Variants in CD247 observed in about 807,000 individuals in gnomAD.
The protein encoded by CD247 is CD247 molecule.
Under a neutral mutation model 30.0 loss-of-function variants are expected in CD247, and 13 were observed. The observed-to-expected ratio is 0.43, with a 90% CI of 0.28 to 0.69. The LOEUF is 0.69. Among genes scored for constraint, CD247 ranks in the 30% least tolerant of loss-of-function variants. The pLI is 0.16. For missense variants in CD247, 193 were observed against 212.6 expected (o/e 0.91, Z 0.57); for synonymous variants, 72 against 80.0 (o/e 0.90, Z 0.53).
chr1:167,509,482 C>T (rs1439493950), intron 1 of CD247, among the ~76,000 whole-genome samples: 1 of 151,382 alleles, frequency 6.6e-6, no homozygotes, highest in Non-Finnish European at 1.5e-5. Flanking sequence ...CCAACCTATT[C>T]CGAGGGTGAA....
chr1:167,509,827 GA>G (rs1655312845), intron 1 of CD247, among the ~76,000 whole-genome samples: 1 of 152,166 alleles, frequency 6.6e-6, no homozygotes, highest in Non-Finnish European at 1.5e-5. Context: ...GCAGGTGGGG[GA>G]TGGAGTGGCG....
Position 167,479,931 on chromosome 1 carries a change from GCCACAT to G in CD247, c.58+38471_58+38476del, listed in dbSNP as rs1413218001. On this transcript the variant is annotated intron_variant, in intron 1 of 7. Coordinates refer to ENST00000362089, the MANE Select transcript of CD247 (RefSeq NM_198053.3). ...TTGGCATGAGCTTCGTGACTGCAGA[GCCACAT>G]TTTCTACTTCTCTTTTGCCTCATAT... 4.4e-4 allele frequency among the ~76,000 whole-genome samples: 67 copies of G among 152,330 alleles called. 1 individual carries two copies. The East Asian group carries it at 0.012, about 28-fold the overall frequency.
chr1:167,467,670 C>T lies in CD247; in HGVS notation c.59-26903G>A, dbSNP rs1047922174. On this transcript the variant is annotated intron_variant, in intron 1 of 7. Transcript: ENST00000362089. Reference sequence around the variant, plus strand: ...CATCATTTTGGACAGTTCTGAGCTTCTGCTTTATTATCGGATTTATTTGTC... The same window carrying T: ...CATCATTTTGGACAGTTCTGAGCTTTTGCTTTATTATCGGATTTATTTGTC... Among the ~76,000 whole-genome samples, 8 of 152,180 alleles carry T rather than the reference C, an allele frequency of 5.3e-5. No individual in the cohort carries two copies. The South Asian group carries it at 1.0e-3, about 20-fold the overall frequency.
chr1:167,446,629 G>T (rs1652092866), intron 1 of CD247, among the ~76,000 whole-genome samples: 1 of 152,184 alleles, frequency 6.6e-6, no homozygotes, highest in Admixed American at 6.5e-5. Context: ...CCACGGTTGG[G>T]GACAGAACCT....
chr1:167,458,329 T>G (rs1652810401), intron 1 of CD247: 2 of 152,434 alleles, frequency 1.3e-5, no homozygotes, highest in African/African-American at 4.8e-5. Flanking sequence ...GGATGTTTTC[T>G]CACAGGTCTT....
At chr1:167,486,735 G>A (rs1654224589) in intron 1 of CD247, among the ~76,000 whole-genome samples, 1 of 152,222 alleles carries the variant, frequency 6.6e-6, no homozygotes, top group African/African-American at 2.4e-5. Flanking sequence ...GGCCACTTAT[G>A]CGGGCCACTG....
intron 1 of CD247, among the ~76,000 whole-genome samples, chr1:167,497,342 A>T (rs543719054): frequency 6.6e-6 from 1 of 152,336 alleles, no homozygotes; most frequent in East Asian, 1.9e-4. Context: ...TTCCCCAATA[A>T]GTATGCTTTG....
intron 1 of CD247, among the ~76,000 whole-genome samples, chr1:167,471,163 G>A (rs567087067): frequency 2.2e-4 from 34 of 152,178 alleles, no homozygotes; most frequent in African/African-American, 4.8e-4. Context: ...GAGCCACTGC[G>A]CTCAGCGTGA....
intron 1 of CD247, among the ~76,000 whole-genome samples, chr1:167,465,322 T>TTTTTC (rs201201346): frequency 3.0e-4 from 38 of 128,160 alleles, no homozygotes; most frequent in African/African-American, 1.0e-3. Flanking sequence ...TTTTTTTTTC[T>TTTTTC]TTTTCTTTTT....
intron 1 of CD247, among the ~76,000 whole-genome samples, chr1:167,471,247 A>G (rs1653510899): frequency 6.6e-6 from 1 of 152,114 alleles, no homozygotes; most frequent in African/African-American, 2.4e-5. Context: ...CTGGAAAGTA[A>G]CTCACCCTTA....
chr1:167,474,888 G>T (rs999746847), intron 1 of CD247, among the ~76,000 whole-genome samples: 2 of 151,508 alleles, frequency 1.3e-5, no homozygotes, highest in Non-Finnish European at 2.9e-5. Flanking sequence ...GAGTAGCTGG[G>T]ATTACAGGCG....
intron 5 of CD247, chr1:167,434,420 ATC>A: frequency 2.6e-6 from 1 of 391,506 alleles, no homozygotes. Context: ...AGAATCATTT[ATC>A]TGAGCAAGTT....
Position 167,513,432 on chromosome 1 carries a change from T to G in CD247, c.58+4976A>C, listed in dbSNP as rs539544789. On this transcript the variant is annotated intron_variant, in intron 1 of 7. Transcript: ENST00000362089. ...AAAAAAATTTAATTAAATTTTAACT[T>G]CCGTCAGTGATTTTTATATCTTTAC... Among the ~76,000 whole-genome samples, 3 of 152,292 alleles carry G rather than the reference T, an allele frequency of 2.0e-5. No homozygotes were observed. In the East Asian group the frequency reaches 5.8e-4, roughly 29 times the overall value.
chr1:167,450,739 C>T (rs985730961), intron 1 of CD247, among the ~76,000 whole-genome samples: 1 of 151,624 alleles, frequency 6.6e-6, no homozygotes, highest in East Asian at 2.0e-4. Context: ...ATGGTAAAAC[C>T]CCATCTCTAC....
At chr1:167,434,664 C>T (rs1340488646) in intron 5 of CD247, 2 of 404,830 alleles carry the variant, frequency 4.9e-6, no homozygotes, top group Non-Finnish European at 9.9e-6. Context: ...AGGGGCCAGC[C>T]ACCTCGTCCT....
chr1:167,485,870 A>C (rs1654184671), intron 1 of CD247, among the ~76,000 whole-genome samples: 1 of 150,256 alleles, frequency 6.7e-6, no homozygotes. Context: ...AGGGCTGTGG[A>C]TGTTGGGGGT....
At chr1:167,449,550 C>T (rs12404041) in intron 1 of CD247, among the ~76,000 whole-genome samples, 52 of 152,308 alleles carry the variant, frequency 3.4e-4, no homozygotes, top group Admixed American at 3.1e-3. Flanking sequence ...ATACCACTTT[C>T]AAACACAGCC....
At chr1:167,512,194 G>A (rs1426237871) in intron 1 of CD247, among the ~76,000 whole-genome samples, 1 of 152,138 alleles carries the variant, frequency 6.6e-6, no homozygotes, top group Non-Finnish European at 1.5e-5. Flanking sequence ...CTCACCAACC[G>A]AAGTCCTTGC....
At position 167,447,441 on chromosome 1, in the gene CD247, G is replaced by A. The variant is rs77538389; in HGVS notation, c.59-6674C>T. ...AGCTCAGCACCCAGCAATCACTGGTGGAGAGCTCTAATTTTCAGAGTTAAA... is the reference window on the plus strand; with the variant it reads ...AGCTCAGCACCCAGCAATCACTGGTAGAGAGCTCTAATTTTCAGAGTTAAA... On this transcript the variant is annotated intron_variant, in intron 1 of 7. Transcript: ENST00000362089. Among the ~76,000 whole-genome samples the A allele has an allele frequency of 3.1e-3, 473 of 152,040 alleles. 3 individuals carry two copies. Among genetic ancestry groups the A allele is most frequent in the South Asian group, 4.6e-3 (22 of 4,808 alleles).
Sources: allele counts gnomAD v4.1 joint callset (sites outside exome capture counted in the v4.1 genomes callset), GRCh38; gene constraint gnomAD v4.1.1; transcripts MANE v1.5; gene names NCBI Gene and HGNC (gene_info 2026-07-23, HGNC 2026-07-21).